Variants in DNASE1 observed in about 807,000 individuals in gnomAD.
The protein encoded by DNASE1 is deoxyribonuclease 1, also known as deoxyribonuclease-1.
Under a neutral mutation model 33.9 loss-of-function variants are expected in DNASE1, and 40 were observed. The ratio of observed to expected loss-of-function variants is 1.18; its 90% CI spans 0.92 to 1.54. The LOEUF (loss-of-function observed/expected upper bound fraction) is 1.54, where lower values mean the gene tolerates loss of function less well. DNASE1 is among the 40% of genes most tolerant of loss of function. The pLI is 0.00. For synonymous variants in DNASE1, 216 were observed against 160.0 expected (o/e 1.35, Z -2.64); for missense variants, 518 against 372.6 (o/e 1.39, Z -3.21).
chr16:3,631,175 A>G (rs1483159755), intron 1 of DNASE1, among the ~76,000 whole-genome samples: 2 of 151,912 alleles, frequency 1.3e-5, no homozygotes, highest in Non-Finnish European at 2.9e-5. Context: ...GGCGCATGCC[A>G]TCACACCCAG....
chr16:3,640,021 T>G (rs560559230), upstream of DNASE1, among the ~76,000 whole-genome samples: 2 of 152,344 alleles, frequency 1.3e-5, no homozygotes, highest in African/African-American at 4.8e-5. Context: ...TTCTGAACTT[T>G]TCAGTGGGTC....
At chr16:3,630,199 G>A (rs888096759) in intron 1 of DNASE1, among the ~76,000 whole-genome samples, 10 of 151,910 alleles carry the variant, frequency 6.6e-5, no homozygotes, top group Non-Finnish European at 1.5e-4. Flanking sequence ...TGTTGTTTTT[G>A]AGACGGGGTC....
intron 1 of DNASE1, among the ~76,000 whole-genome samples, chr16:3,637,238 G>A (rs114438906): frequency 0.01 from 1,566 of 152,280 alleles, 31 homozygotes; most frequent in African/African-American, 0.036. Flanking sequence ...AACTATAGGT[G>A]TCAGAACTAA....
downstream of DNASE1, chr16:3,662,997 G>C (rs759358379): frequency 5.2e-6 from 8 of 1,552,694 alleles, no homozygotes; most frequent in East Asian, 1.7e-4. Flanking sequence ...AGGGAGCTCA[G>C]GCCTGCATCC....
chr16:3,655,697 G>A, intron 2 of DNASE1, 152 bp from the exon 3 acceptor site: 1 of 1,363,666 alleles, frequency 7.3e-7, no homozygotes, highest in Non-Finnish European at 1.0e-6. Flanking sequence ...CTGCTGTGCT[G>A]TCCCTGGCTG....
At chr16:3,616,220 G>A (rs539498421) in intron 1 of DNASE1, among the ~76,000 whole-genome samples, 1 of 152,246 alleles carries the variant, frequency 6.6e-6, no homozygotes, top group Admixed American at 6.5e-5. Context: ...TTTAAGGGAG[G>A]TTTCAGACAG....
At chr16:3,614,824 G>T (rs968379266) in intron 1 of DNASE1, among the ~76,000 whole-genome samples, 1 of 152,194 alleles carries the variant, frequency 6.6e-6, no homozygotes, top group Admixed American at 6.5e-5. Context: ...ACATGGCTGG[G>T]TTATGAAGGA....
At chr16:3,659,844 G>C (rs994197881), downstream of DNASE1, 1 of 151,992 alleles carries the variant, frequency 6.6e-6, no homozygotes, top group South Asian at 2.1e-4. Context: ...CAGCCTCCTG[G>C]TTTCAAGAGG....
chr16:3,633,290 A>G (rs887822376), intron 1 of DNASE1, among the ~76,000 whole-genome samples: 3 of 152,082 alleles, frequency 2.0e-5, no homozygotes, highest in African/African-American at 7.2e-5. Context: ...TAGCATGCCA[A>G]TTATGCTTCT....
chr16:3,648,161 C>A (rs2042227480), intron 1 of DNASE1, among the ~76,000 whole-genome samples: 1 of 152,140 alleles, frequency 6.6e-6, no homozygotes. Flanking sequence ...AGAGCAAGAA[C>A]CTGTCTCAAA....
upstream of DNASE1, among the ~76,000 whole-genome samples, chr16:3,638,028 A>G (rs1409377773): frequency 2.0e-5 from 3 of 152,224 alleles, no homozygotes; most frequent in Non-Finnish European, 4.4e-5. Flanking sequence ...CTCACTGAAG[A>G]ATGAAAGTCC....
chr16:3,619,810 C>T (rs1009359057), intron 1 of DNASE1, among the ~76,000 whole-genome samples: 1 of 152,112 alleles, frequency 6.6e-6, no homozygotes, highest in African/African-American at 2.4e-5. Flanking sequence ...CACGCCTGGC[C>T]CTCAGTATTT....
chr16:3,661,988 T>G (rs1367982301), downstream of DNASE1: 2 of 1,604,288 alleles, frequency 1.2e-6, no homozygotes, highest in Admixed American at 3.4e-5. Flanking sequence ...TGGCCTCACC[T>G]GGGGTTGATC....
chr16:3,642,097 G>C (rs2042038594), upstream of DNASE1, among the ~76,000 whole-genome samples: 1 of 152,182 alleles, frequency 6.6e-6, no homozygotes, highest in Non-Finnish European at 1.5e-5. Context: ...GTTCCTGCTG[G>C]GCTCGGGGTG....
At chr16:3,662,087 C>G (rs1386010548), downstream of DNASE1, 10 of 1,613,300 alleles carry the variant, frequency 6.2e-6, no homozygotes, top group East Asian at 2.2e-5. Flanking sequence ...GCCCCCATCT[C>G]CAGCACGGTG....
chr16:3,646,062 G>A (rs2042164092), intron 1 of DNASE1, among the ~76,000 whole-genome samples: 1 of 152,170 alleles, frequency 6.6e-6, no homozygotes, highest in South Asian at 2.1e-4. Flanking sequence ...CAGCCGAGTA[G>A]AGCCAGCCGA....
chr16:3,655,358 C>CTGTGCT lies in DNASE1; in HGVS notation c.-1-15_-1-14insTGTGCT, dbSNP rs1567207963. On this transcript the variant is annotated splice_polypyrimidine_tract_variant and intron_variant, in intron 1 of 8. Transcript: ENST00000246949. Reference sequence around the variant, plus strand: ...TCTCACTTCTGTTATGTCTCTGTGCCCTGTGCTCTCCCAGGATGAGGGGCA... The same window carrying CTGTGCT: ...TCTCACTTCTGTTATGTCTCTGTGCCTGTGCTCTGTGCTCTCCCAGGATGAGGGGCA... 1 of 1,613,760 alleles carries CTGTGCT rather than the reference C, an allele frequency of 6.2e-7. No homozygotes were observed. Among genetic ancestry groups the CTGTGCT allele is most frequent in the African/African-American group, 1.3e-5 (1 of 74,926 alleles).
chr16:3,633,833 G>T (rs576783402), intron 1 of DNASE1, among the ~76,000 whole-genome samples: 1 of 151,922 alleles, frequency 6.6e-6, no homozygotes, highest in South Asian at 2.1e-4. Flanking sequence ...TTTTAAGACC[G>T]AGTCTCGCTC....
upstream of DNASE1, chr16:3,654,654 G>A (rs1341597855): frequency 7.5e-6 from 3 of 398,942 alleles, no homozygotes; most frequent in African/African-American, 2.1e-5. Context: ...CTTGTTATCA[G>A]ACATTTTAAA....
Sources: gnomAD v4.1 joint callset for allele counts (sites outside exome capture counted in the v4.1 genomes callset) on GRCh38, gnomAD v4.1.1 for gene constraint, MANE v1.5 for transcripts, NCBI Gene and HGNC (gene_info 2026-07-23, HGNC 2026-07-21) for gene names.